The following PCSK6 variants were observed in gnomAD, a reference collection of about 807,000 sequenced individuals.
PCSK6 encodes the protein paired basic amino acid cleaving enzyme 4.
Under a neutral mutation model 123.3 loss-of-function variants are expected in PCSK6, and 85 were observed. That is an observed-to-expected ratio of 0.69 (90% CI 0.58 to 0.83). The LOEUF (loss-of-function observed/expected upper bound fraction) is 0.83, where lower values mean the gene tolerates loss of function less well. Among genes scored for constraint, PCSK6 ranks in the 40% least tolerant of loss-of-function variants. PCSK6 has a pLI of 0.00. For missense variants in PCSK6, 1,191 were observed against 1,282.3 expected, an observed-to-expected ratio of 0.93 and a Z score of 1.09; for synonymous variants, 508 against 516.0, an observed-to-expected ratio of 0.98 and a Z score of 0.21.
At chr15:101,469,269 G>T (rs2057543431) in intron 1 of PCSK6, among the ~76,000 whole-genome samples, 1 of 152,164 alleles carries the variant, frequency 6.6e-6, no homozygotes, top group South Asian at 2.1e-4. Flanking sequence ...GAAAAGCTGG[G>T]GGAGAGGATA....
At chr15:101,349,110 G>C (rs2040824631) in intron 13 of PCSK6, among the ~76,000 whole-genome samples, 1 of 152,090 alleles carries the variant, frequency 6.6e-6, no homozygotes, top group Non-Finnish European at 1.5e-5. Flanking sequence ...AGAAGCACAG[G>C]GTAGAGTCAG....
Position 101,307,294 on chromosome 15 carries a change from A to G in PCSK6, c.2731T>C (p.Ser911Pro). The part of the protein sequence containing the change: ...CDENCLSCAG[S>P]SRNCSRCKTG... ...TTACACCTGCTACAGTTCCTGCTGGAGCCTGCACAGCTCAAGCAGTTCTCG... is the reference window on the plus strand; with the variant it reads ...TTACACCTGCTACAGTTCCTGCTGGGGCCTGCACAGCTCAAGCAGTTCTCG... The change falls in exon 21 of 22, where the codon TCC becomes CCC. Residue 911 changes from serine to proline, a missense_variant. By Grantham distance (74) the Ser-to-Pro change is moderately conservative. Coordinates refer to ENST00000611716, the MANE Select transcript of PCSK6 (RefSeq NM_002570.5). 6.2e-7 allele frequency: 1 copy of G among 1,613,638 alleles called. No homozygotes were observed. The highest frequency in any genetic ancestry group is 8.5e-7 in the Non-Finnish European group (1 of 1,179,758).
intron 1 of PCSK6, among the ~76,000 whole-genome samples, chr15:101,489,034 C>G (rs1388011291): frequency 6.7e-6 from 1 of 149,980 alleles, no homozygotes; most frequent in Non-Finnish European, 1.5e-5. Flanking sequence ...TCCCCCGGAG[C>G]CCGGCAGGTG....
intron 5 of PCSK6, among the ~76,000 whole-genome samples, chr15:101,428,236 C>G (rs2056325478): frequency 6.6e-6 from 1 of 152,180 alleles, no homozygotes; most frequent in Admixed American, 6.5e-5. Flanking sequence ...CATGCCTCCC[C>G]TGACCCCCAT....
At chr15:101,410,707 T>C (rs1185901978) in intron 6 of PCSK6, among the ~76,000 whole-genome samples, 1 of 152,220 alleles carries the variant, frequency 6.6e-6, no homozygotes, top group Non-Finnish European at 1.5e-5. Flanking sequence ...GTCACCGCGA[T>C]GTCCTAGCAT....
At chr15:101,381,401 A>C (rs1168960402) in intron 11 of PCSK6, among the ~76,000 whole-genome samples, 4 of 152,128 alleles carry the variant, frequency 2.6e-5, no homozygotes, top group Non-Finnish European at 5.9e-5. Context: ...CAAATATAAC[A>C]GATTTAGAAA....
chr15:101,314,253 C>T (rs2039936465), intron 19 of PCSK6, among the ~76,000 whole-genome samples: 1 of 152,168 alleles, frequency 6.6e-6, no homozygotes, highest in African/African-American at 2.4e-5. Flanking sequence ...TTCAGGTTGG[C>T]TCAGGGTCCG....
At chr15:101,340,946 T>A (rs935467232) in intron 13 of PCSK6, among the ~76,000 whole-genome samples, 1 of 121,214 alleles carries the variant, frequency 8.2e-6, no homozygotes, top group African/African-American at 4.2e-5. Context: ...TTCTCCCAAA[T>A]TTTTTTTTTT....
intron 8 of PCSK6, among the ~76,000 whole-genome samples, chr15:101,392,354 C>A (rs1001874440): frequency 6.6e-6 from 1 of 152,166 alleles, no homozygotes; most frequent in Non-Finnish European, 1.5e-5. Flanking sequence ...TTCACTGGTG[C>A]GGAGCAAAGC....
chr15:101,419,167 A>G (rs1157716866), intron 6 of PCSK6, among the ~76,000 whole-genome samples: 4 of 152,174 alleles, frequency 2.6e-5, no homozygotes, highest in African/African-American at 9.7e-5. Context: ...ATATTTACAG[A>G]TAGCTATTAT....
chr15:101,371,343 T>C (rs6598456), intron 11 of PCSK6, among the ~76,000 whole-genome samples: 20,690 of 152,162 alleles, frequency 0.14, 2,018 homozygotes, highest in East Asian at 0.43. Flanking sequence ...TGCCCTAGTA[T>C]GACCTCCATG....
Position 101,318,342 on chromosome 15 carries a change from T to C in PCSK6, c.2546A>G (p.His849Arg). Residue 849 changes from histidine (H) to arginine (R), a missense_variant, in exon 19 of 22, where the codon CAT becomes CGT. By Grantham distance (29) the His-to-Arg change is conservative. This residue lies in a region of PCSK6 where 630 missense variants were observed against 631.4 expected (regional missense o/e 1.00). Transcript: ENST00000611716. ...DSELIRCGEC[H>R]HTCGTCVGPG... Reference sequence around the variant, plus strand: ...ACCCACGCAGGTTCCGCAGGTGTGATGGCATTCCCCACATCTGATCAGCTC... The same window carrying C: ...ACCCACGCAGGTTCCGCAGGTGTGACGGCATTCCCCACATCTGATCAGCTC... The C allele has an allele frequency of 1.3e-6, 2 of 1,561,930 alleles. No individual in the cohort carries two copies. The highest frequency in any genetic ancestry group is 1.2e-5 in the South Asian group (1 of 84,452).
intron 7 of PCSK6, among the ~76,000 whole-genome samples, chr15:101,393,982 G>A (rs965054457): frequency 2.0e-5 from 3 of 152,184 alleles, no homozygotes; most frequent in Non-Finnish European, 4.4e-5. Context: ...AGAATAGGTG[G>A]AAAGGGTTAC....
At position 101,313,113 on chromosome 15, in the gene PCSK6, G is replaced by A. The variant is rs150500803; in HGVS notation, c.2699+263C>T. On this transcript the variant is annotated intron_variant, in intron 20 of 21. Coordinates refer to ENST00000611716, the MANE Select transcript of PCSK6 (RefSeq NM_002570.5). The stretch of plus-strand genomic sequence containing the variant: ...GGGACGTCCCGCGTAGTCCACCAAT[G>A]GGGTGTGAGCACCTTGCTATTCTGC... 1.9e-4 allele frequency: 268 copies of A among 1,419,218 alleles called. 2 individuals are homozygous for A. The African/African-American group carries it at 3.4e-3, about 18-fold the overall frequency. 87.9% of individuals were successfully genotyped at this position (1,419,218 alleles called of 1,614,324 possible).
intron 1 of PCSK6, among the ~76,000 whole-genome samples, chr15:101,469,652 G>A (rs541571091): frequency 5.8e-4 from 89 of 152,262 alleles, no homozygotes; most frequent in African/African-American, 1.9e-3. Context: ...TGAATGGAGC[G>A]GCTAGAGCCG....
intron 13 of PCSK6, among the ~76,000 whole-genome samples, chr15:101,333,858 C>A (rs111372959): frequency 6.6e-6 from 1 of 152,190 alleles, no homozygotes. Flanking sequence ...AAATGGCATT[C>A]GACACTGACC....
intron 1 of PCSK6, among the ~76,000 whole-genome samples, chr15:101,463,912 A>C (rs1257883629): frequency 1.3e-5 from 2 of 152,096 alleles, no homozygotes; most frequent in Non-Finnish European, 2.9e-5. Context: ...AGTAATACAC[A>C]AGGAGAACCA....
Position 101,360,138 on chromosome 15 carries a change from A to C in PCSK6, c.1858+6058T>G, listed in dbSNP as rs570161151. Among the ~76,000 whole-genome samples, 311 of 152,236 alleles carry C rather than the reference A, an allele frequency of 2.0e-3. 3 individuals carry two copies. The highest frequency in any genetic ancestry group is 7.2e-3 in the African/African-American group (300 of 41,530). On this transcript the variant is annotated intron_variant, in intron 13 of 21. Transcript: ENST00000611716. ...ACACATCTCTCGACCCTGCTTTCAG[A>C]ATCTGACTGCTTCATACACTCCACT...
At chr15:101,464,620 T>C (rs192681405) in intron 1 of PCSK6, among the ~76,000 whole-genome samples, 1 of 152,220 alleles carries the variant, frequency 6.6e-6, no homozygotes, top group East Asian at 1.9e-4. Flanking sequence ...GATTTTCATT[T>C]CTAACAAGGT....
Sources: gnomAD v4.1 joint callset for allele counts (sites outside exome capture counted in the v4.1 genomes callset) on GRCh38, gnomAD v4.1.1 for gene constraint, gnomAD v4.1.1 regional missense constraint, MANE v1.5 for transcripts, NCBI Gene and HGNC (gene_info 2026-07-23, HGNC 2026-07-21) for gene names.